MGAT4D: variants seen among roughly 807,000 people sequenced by gnomAD.
MGAT4D encodes the protein alpha-1,3-mannosyl-glycoprotein 4-beta-N-acetylglucosaminyltransferase-like protein MGAT4D.
A neutral mutation model predicts 15.9 loss-of-function variants in MGAT4D; 34 were observed. The ratio of observed to expected loss-of-function variants is 2.14; its 90% CI spans 1.62 to 2.84. The LOEUF (loss-of-function observed/expected upper bound fraction) is 2.84, where lower values mean the gene tolerates loss of function less well. MGAT4D is among the 30% of genes most tolerant of loss of function. The probability of loss-of-function intolerance (pLI) is 0.00; values close to 1 mark genes in which losing one functional copy is unlikely to be tolerated. For synonymous variants in MGAT4D, 112 were observed against 48.2 expected, an observed-to-expected ratio of 2.33 and a Z score of -5.49; for missense variants, 327 against 140.2, an observed-to-expected ratio of 2.33 and a Z score of -6.73.
At chr4:140,497,266 G>C (rs1384470764) in intron 1 of MGAT4D, among the ~76,000 whole-genome samples, 1 of 152,034 alleles carries the variant, frequency 6.6e-6, no homozygotes, top group Non-Finnish European at 1.5e-5. Flanking sequence ...ATAATTTACA[G>C]GGTTCCTAAG....
chr4:140,472,059 C>A (rs939982403), intron 4 of MGAT4D, among the ~76,000 whole-genome samples: 15 of 151,782 alleles, frequency 9.9e-5, no homozygotes, highest in African/African-American at 3.6e-4. Flanking sequence ...ATATTACAAT[C>A]CAAAATTTAC....
chr4:140,482,396 C>G lies in MGAT4D; in HGVS notation c.184G>C (p.Glu62Gln), dbSNP rs1229794299. Residue 62 changes from glutamate (E) to glutamine (Q), a missense_variant, in exon 2 of 11, where the codon GAG becomes CAG. Physicochemically the swap from Glu to Gln is conservative, Grantham distance 29. Transcript: ENST00000511113. ...ATTCGATTCAAAACTTTCATCATCT[C>G]TTGGGTATTTTTTTCAGTTTTGTTT... ...LRNKTEKNTQ[E>Q]MMKVLNRMKY... The G allele has an allele frequency of 3.1e-6, 2 of 651,812 alleles. No homozygotes were observed. The highest frequency in any genetic ancestry group is 5.5e-6 in the Non-Finnish European group (2 of 365,898). 40.4% of individuals were successfully genotyped at this position (651,812 alleles called of 1,614,324 possible). A position where few individuals can be genotyped will look rare whatever the true frequency, so the allele number is the denominator to read the frequency against.
chr4:140,480,379 T>A (rs1180522611), intron 2 of MGAT4D, among the ~76,000 whole-genome samples: 2 of 147,986 alleles, frequency 1.4e-5, no homozygotes, highest in East Asian at 3.8e-4. Flanking sequence ...ACCTATGAAT[T>A]TTTTTAAAAA....
chr4:140,470,827 T>G (rs1285382619), intron 5 of MGAT4D, among the ~76,000 whole-genome samples: 1 of 152,132 alleles, frequency 6.6e-6, no homozygotes, highest in African/African-American at 2.4e-5. Context: ...CTACATGTTG[T>G]CATATTTATT....
intron 3 of MGAT4D, among the ~76,000 whole-genome samples, chr4:140,475,968 T>C (rs1732303303): frequency 6.6e-6 from 1 of 151,914 alleles, no homozygotes; most frequent in Non-Finnish European, 1.5e-5. Context: ...TGCACCACCA[T>C]GCCCGGCTAA....
At chr4:140,462,173 C>A (rs541266622) in intron 6 of MGAT4D, among the ~76,000 whole-genome samples, 169 bp from the exon 7 acceptor site, 197 of 152,204 alleles carry the variant, frequency 1.3e-3, no homozygotes, top group Middle Eastern at 3.4e-3. Context: ...ATATCTTATA[C>A]TAAAAAGTTT....
intron 3 of MGAT4D, 36 bp from the exon 4 acceptor site, chr4:140,474,982 C>T: frequency 1.7e-6 from 1 of 574,058 alleles, no homozygotes; most frequent in Non-Finnish European, 3.1e-6. Context: ...TCATTCCATA[C>T]CACAGAGAAA....
rs556300929 is a variant in MGAT4D, at chr4:140,449,342, A to G, written c.1116+2068T>C. On this transcript the variant is annotated intron_variant, in intron 10 of 10. Transcript: ENST00000511113. ...TAAAAACTATTTAAGAAAGTTCATC[A>G]CTAAAAAGGCATATTTTTGTTTTAT... 5.3e-5 allele frequency among the ~76,000 whole-genome samples: 8 copies of G among 152,350 alleles called. No homozygotes were observed. In the East Asian group the frequency reaches 1.3e-3, roughly 26 times the overall value.
chr4:140,471,047 G>A (rs1731904698), intron 5 of MGAT4D, among the ~76,000 whole-genome samples: 3 of 151,910 alleles, frequency 2.0e-5, no homozygotes, highest in Admixed American at 1.3e-4. Flanking sequence ...ACCAGGCTCG[G>A]CTTAATTTTG....
intron 10 of MGAT4D, among the ~76,000 whole-genome samples, chr4:140,445,338 G>A (rs1730050517): frequency 6.6e-6 from 1 of 151,986 alleles, no homozygotes; most frequent in Non-Finnish European, 1.5e-5. Context: ...CTTTTAAAAA[G>A]CATCTGTTTG....
intron 8 of MGAT4D, chr4:140,458,068 T>C (rs1474356885): frequency 1.3e-5 from 2 of 152,194 alleles, no homozygotes; most frequent in Admixed American, 1.3e-4. Context: ...GCACGAACTT[T>C]TACGCACTGC....
intron 1 of MGAT4D, among the ~76,000 whole-genome samples, chr4:140,489,606 AC>A (rs1217222205): frequency 1.3e-5 from 2 of 152,156 alleles, no homozygotes; most frequent in Non-Finnish European, 2.9e-5. Context: ...TTGGTTTTAT[AC>A]CTTAATAAAT....
In MGAT4D at chr4:140,486,497, C is replaced by T. The variant is rs540987607; in HGVS notation, c.95-4012G>A. Among the ~76,000 whole-genome samples the T allele has an allele frequency of 2.6e-5, 4 of 152,202 alleles. No homozygotes were observed. In the South Asian group the frequency reaches 8.3e-4, roughly 32 times the overall value. ...TAATGCTATCCCTCCCCTAGCCACCCACCCCGAAACAGGCCCCGGTGTGTG... is the reference window on the plus strand; with the variant it reads ...TAATGCTATCCCTCCCCTAGCCACCTACCCCGAAACAGGCCCCGGTGTGTG... On this transcript the variant is annotated intron_variant, in intron 1 of 10. Transcript: ENST00000511113.
chr4:140,487,226 C>T (rs890267215), intron 1 of MGAT4D, among the ~76,000 whole-genome samples: 1 of 152,166 alleles, frequency 6.6e-6, no homozygotes, highest in African/African-American at 2.4e-5. Context: ...AATGTTATAA[C>T]ACTATTTTGC....
chr4:140,487,767 G>C (rs1014374197), intron 1 of MGAT4D, among the ~76,000 whole-genome samples: 2 of 152,036 alleles, frequency 1.3e-5, no homozygotes, highest in Non-Finnish European at 2.9e-5. Context: ...ATTAAATGTA[G>C]ACTCAAACTA....
intron 1 of MGAT4D, among the ~76,000 whole-genome samples, chr4:140,486,899 A>G (rs1733172598): frequency 6.6e-6 from 1 of 152,190 alleles, no homozygotes; most frequent in Non-Finnish European, 1.5e-5. Flanking sequence ...AGCTCATGAT[A>G]TTAGGGTTTC....
intron 1 of MGAT4D, among the ~76,000 whole-genome samples, chr4:140,492,665 T>C (rs1447759927): frequency 6.6e-6 from 1 of 151,956 alleles, no homozygotes; most frequent in Non-Finnish European, 1.5e-5. Flanking sequence ...AAGCCACTAG[T>C]GTTTGTGGAA....
intron 3 of MGAT4D, among the ~76,000 whole-genome samples, chr4:140,476,784 A>G (rs1732362942): frequency 6.6e-6 from 1 of 152,112 alleles, no homozygotes; most frequent in Admixed American, 6.6e-5. Flanking sequence ...GATTCAACTA[A>G]ATATTAGTCA....
rs1729887496 is a variant in MGAT4D at position 140,443,334 on chromosome 4, T to C, written c.*102A>G. 4.9e-6 allele frequency: 2 copies of C among 405,450 alleles called. 1 individual carries two copies. The allele number at this position is 405,450 out of a possible 1,614,324, so 25.1% of individuals were successfully genotyped here. A position where few individuals can be genotyped will look rare whatever the true frequency, so the allele number is the denominator to read the frequency against. On this transcript the variant is annotated 3_prime_UTR_variant, in exon 11 of 11. Coordinates refer to ENST00000511113, the MANE Select transcript of MGAT4D (RefSeq NM_001277353.2). ...GTTTATGCATTGTTTACTTATCTGC[T>C]AGATAATTATGTATTTTCATTACTA...
Sources: gnomAD v4.1 joint callset for allele counts (sites outside exome capture counted in the v4.1 genomes callset) on GRCh38, gnomAD v4.1.1 for gene constraint, MANE v1.5 for transcripts, NCBI Gene and HGNC (gene_info 2026-07-23, HGNC 2026-07-21) for gene names.